The following PZP variants were observed in gnomAD, a reference collection of about 807,000 sequenced individuals.
PZP encodes the protein pregnancy zone protein.
A neutral mutation model predicts 179.8 loss-of-function variants in PZP; 150 were observed. The ratio of observed to expected loss-of-function variants is 0.83; its 90% confidence interval spans 0.73 to 0.96. PZP has a LOEUF of 0.96. PZP is among the 40% of genes least tolerant of loss of function. PZP has a pLI of 0.00. For missense variants in PZP, 1,689 were observed against 1,764.0 expected (o/e 0.96, Z 0.76); for synonymous variants, 624 against 652.3 (o/e 0.96, Z 0.66).
At chr12:9,175,691 C>G (rs1378281038) in intron 15 of PZP, among the ~76,000 whole-genome samples, 1 of 152,130 alleles carries the variant, frequency 6.6e-6, no homozygotes, top group Non-Finnish European at 1.5e-5. Context: ...ATACAGCCAA[C>G]AAACATATGA....
intron 13 of PZP, among the ~76,000 whole-genome samples, chr12:9,186,025 C>T (rs1364682121): frequency 2.6e-5 from 4 of 151,900 alleles, no homozygotes; most frequent in Non-Finnish European, 4.4e-5. Flanking sequence ...CCAGGATGGT[C>T]TCGATCTCCT....
chr12:9,157,373 G>T lies in PZP; in HGVS notation c.3370-18C>A. The T allele has an allele frequency of 6.2e-7, 1 of 1,602,678 alleles. No homozygotes were observed. The highest frequency in any genetic ancestry group is 1.7e-5 in the Admixed American group (1 of 59,666). ...ATAGGGTTCTGTAAAGGCAAAATGT[G>T]GTTGTGTCAAACTAGGGTGAATAGA... is the stretch of plus-strand genomic sequence containing the variant. On this transcript the variant is annotated intron_variant, in intron 27 of 35. Transcript: ENST00000261336.
At chr12:9,138,159 A>G in the PZP span, among the ~76,000 whole-genome samples, 1 of 152,038 alleles carries the variant, frequency 6.6e-6, no homozygotes, top group Non-Finnish European at 1.5e-5. Context: ...TGGGCCTTTC[A>G]TATATAGCCT....
intron 1 of PZP, among the ~76,000 whole-genome samples, chr12:9,207,361 A>G (rs1180896607): frequency 6.6e-6 from 1 of 152,202 alleles, no homozygotes; most frequent in African/African-American, 2.4e-5. Flanking sequence ...AGTTCTCACC[A>G]TTCTCTGGAA....
chr12:9,158,384 T>C (rs1052136679), intron 26 of PZP, 36 bp downstream of exon 26: 2 of 1,610,152 alleles, frequency 1.2e-6, no homozygotes, highest in African/African-American at 2.7e-5. Flanking sequence ...GTTATGTTGA[T>C]GTGTGTCAGG....
intron 1 of PZP, among the ~76,000 whole-genome samples, chr12:9,205,456 T>C (rs960999131): frequency 3.3e-5 from 5 of 152,148 alleles, no homozygotes; most frequent in African/African-American, 1.2e-4. Context: ...AGCAATGCTG[T>C]AAGGTACATG....
intron 15 of PZP, among the ~76,000 whole-genome samples, chr12:9,174,476 A>G (rs750560743): frequency 2.0e-5 from 3 of 152,338 alleles, no homozygotes; most frequent in African/African-American, 2.4e-5. Flanking sequence ...GGCCAGGGCA[A>G]TCAGGCAAGA....
chr12:9,139,624 A>G, the PZP span, among the ~76,000 whole-genome samples: 6 of 152,210 alleles, frequency 3.9e-5, no homozygotes, highest in Admixed American at 6.5e-5. Flanking sequence ...TTGGATGCAT[A>G]TATAATTGTA....
chr12:9,169,285 T>A (rs1592484007), intron 16 of PZP, 145 bp downstream of exon 16: 1 of 836,644 alleles, frequency 1.2e-6, no homozygotes, highest in East Asian at 2.8e-5. Flanking sequence ...ACAAGAGACT[T>A]TAACCTTTTT....
At position 9,181,087 on chromosome 12, in the gene PZP, C is replaced by T; in HGVS notation, c.1735G>A (p.Ala579Thr). 1 of 1,614,158 alleles carries T rather than the reference C, an allele frequency of 6.2e-7. No individual in the cohort carries two copies. Among genetic ancestry groups the T allele is most frequent in the Non-Finnish European group, 8.5e-7 (1 of 1,180,008 alleles). ...GGAGCAGCTGCTACTTGCAGGTGGG[C>T]ATGTGAGGCTGGGGGACTTTGTGCT... is the stretch of plus-strand genomic sequence containing the variant. ...SPAQSPPASH[A>T]HLQVAAAPQS... Residue 579 changes from alanine to threonine, a missense_variant, in exon 15 of 36, where the codon GCC (alanine) becomes ACC (threonine). By Grantham distance (58) the Ala-to-Thr change is moderately conservative. This residue lies in a region of PZP where 742 missense variants were observed against 730.5 expected (regional missense o/e 1.02). Coordinates refer to ENST00000261336, the MANE Select transcript of PZP (RefSeq NM_002864.3).
In PZP at chr12:9,169,428, A is replaced by T; in HGVS notation, c.2001+2T>A. ...CATGTTAATAAGTAGTGAGAATTTTACCTTGAGGAAGCTATAAATATCTGC... is the reference window on the plus strand; with the variant it reads ...CATGTTAATAAGTAGTGAGAATTTTTCCTTGAGGAAGCTATAAATATCTGC... On this transcript the variant is annotated splice_donor_variant, in intron 16 of 35. Transcript: ENST00000261336. LOFTEE classifies it high-confidence loss of function. 1 of 1,588,554 alleles carries T rather than the reference A, an allele frequency of 6.3e-7. No individual in the cohort carries two copies. Among genetic ancestry groups the T allele is most frequent in the South Asian group, 1.2e-5 (1 of 86,676 alleles).
chr12:9,154,514 A>G (rs1187531669), intron 29 of PZP, 102 bp downstream of exon 29: 2 of 1,130,816 alleles, frequency 1.8e-6, no homozygotes, highest in Non-Finnish European at 2.5e-6. Context: ...TACTTCTTCA[A>G]TGATTTAATA....
chr12:9,205,972 A>G (rs1174699178), intron 1 of PZP, among the ~76,000 whole-genome samples: 2 of 152,098 alleles, frequency 1.3e-5, no homozygotes, highest in Non-Finnish European at 2.9e-5. Flanking sequence ...TATGCCATGA[A>G]TCTCCAGGGC....
intron 18 of PZP, 52 bp downstream of exon 18, chr12:9,165,998 GGA>G (rs1941555721): frequency 6.5e-7 from 1 of 1,546,380 alleles, no homozygotes; most frequent in South Asian, 1.2e-5. Context: ...TGAAAATGTT[GGA>G]GGAACCACAT....
intron 6 of PZP, 132 bp downstream of exon 6, chr12:9,200,760 T>C (rs1017594173): frequency 1.2e-5 from 12 of 965,676 alleles, no homozygotes; most frequent in Middle Eastern, 2.5e-4. Context: ...CACACCGTCC[T>C]AATGGTCTTA....
At chr12:9,165,965 T>C (rs1941553022) in intron 18 of PZP, 87 bp downstream of exon 18, 3 of 1,481,100 alleles carry the variant, frequency 2.0e-6, no homozygotes, top group Non-Finnish European at 2.7e-6. Context: ...ATTCAGAACT[T>C]TTCAGGAAGA....
downstream of PZP, among the ~76,000 whole-genome samples, chr12:9,146,847 C>T (rs1247163948): frequency 6.6e-6 from 1 of 152,180 alleles, no homozygotes; most frequent in Non-Finnish European, 1.5e-5. Context: ...TCAGAACTAC[C>T]TGACTGGCAA....
intron 13 of PZP, among the ~76,000 whole-genome samples, chr12:9,182,703 AAG>A (rs1942848210): frequency 6.6e-6 from 1 of 152,204 alleles, no homozygotes. Context: ...TTACATTTTA[AAG>A]CAGGGTGAAG....
intron 7 of PZP, among the ~76,000 whole-genome samples, chr12:9,198,695 A>C (rs910693934): frequency 6.6e-6 from 1 of 152,134 alleles, no homozygotes; most frequent in Non-Finnish European, 1.5e-5. Context: ...AATACACAAT[A>C]ATTTTGTTTT....
Sources: gnomAD v4.1 joint callset for allele counts (sites outside exome capture counted in the v4.1 genomes callset) on GRCh38, gnomAD v4.1.1 for gene constraint, gnomAD v4.1.1 regional missense constraint, MANE v1.5 for transcripts, NCBI Gene and HGNC (gene_info 2026-07-23, HGNC 2026-07-21) for gene names.